RBM34: variants seen among roughly 807,000 people sequenced by gnomAD.
RBM34 encodes the protein RNA binding motif protein 34, also known as RNA-binding protein 34.
Under a neutral mutation model 44.6 loss-of-function variants are expected in RBM34, and 39 were observed. The observed-to-expected ratio is 0.87, with a 90% CI of 0.68 to 1.14. RBM34 has a LOEUF of 1.14. RBM34 is among the 50% of genes most tolerant of loss of function. The pLI, the probability that RBM34 is intolerant of heterozygous loss-of-function variation, is 0.00. For synonymous variants in RBM34, 194 were observed against 184.0 expected (o/e 1.05, Z -0.44); for missense variants, 572 against 517.9 (o/e 1.10, Z -1.01).
chr1:235,140,603 G>C (rs192927335), intron 6 of RBM34, among the ~76,000 whole-genome samples: 43 of 152,242 alleles, frequency 2.8e-4, no homozygotes, highest in African/African-American at 1.0e-3. Context: ...TGTGCGGCCC[G>C]AGCCTCCCCG....
rs368049743 is a variant in RBM34 at position 235,135,714 on chromosome 1, C to T, written c.946G>A (p.Val316Met). 6.2e-5 allele frequency: 100 copies of T among 1,614,084 alleles called. No homozygotes were observed. The highest frequency in any genetic ancestry group is 7.7e-5 in the Non-Finnish European group (91 of 1,180,056). Residue 316 changes from valine to methionine, a missense_variant, in exon 10 of 11, where the codon GTG becomes ATG. Val to Met is a conservative substitution (Grantham distance 21). Coordinates refer to ENST00000408888, the MANE Select transcript of RBM34 (RefSeq NM_015014.4). ...HFLDCGSIMA[V>M]RIVRDKMTGI... The stretch of plus-strand genomic sequence containing the variant: ...GTCATTTTGTCTCTCACAATCCTCA[C>T]GGCCATGATACTTCCACAGTCCAGA...
chr1:235,142,926 CAAAAAA>C (rs34015202), intron 6 of RBM34, among the ~76,000 whole-genome samples: 1 of 66,250 alleles, frequency 1.5e-5, no homozygotes, highest in Admixed American at 1.7e-4. Flanking sequence ...GGATCCATCT[CAAAAAA>C]AAAAAAAAAA....
chr1:235,144,046 G>A (rs72756028), intron 6 of RBM34, among the ~76,000 whole-genome samples: 24,496 of 151,730 alleles, frequency 0.16, 2,195 homozygotes, highest in Middle Eastern at 0.23. Context: ...GTGTGGTGGC[G>A]AGCACCTGTA....
chr1:235,160,759 G>A, intron 2 of RBM34, 112 bp from the exon 3 acceptor site: 5 of 1,509,394 alleles, frequency 3.3e-6, no homozygotes, highest in Non-Finnish European at 4.5e-6. Context: ...TGGTATGTAA[G>A]AGTCATGAAA....
In RBM34 at chr1:235,160,630, C is replaced by T. The variant is rs760035437; in HGVS notation, c.246G>A (p.Thr82=). 118 of 1,610,782 alleles carry T rather than the reference C, an allele frequency of 7.3e-5. No homozygotes were observed. The highest frequency in any genetic ancestry group is 9.8e-5 in the Non-Finnish European group (116 of 1,179,310). Residue 82 remains threonine, a synonymous_variant, in exon 3 of 11, where the codon ACG becomes ACA. Transcript: ENST00000408888. The part of the protein sequence containing the change: ...VPVPKQTIKK[T]KRNEEEESTS... The stretch of plus-strand genomic sequence containing the variant: ...TACTTTCTTCCTCCTCATTCCGTTT[C>T]GTTTTTTTGATGGTTTGCTTTTTAA...
chr1:235,145,462 G>C (rs1205615241), intron 6 of RBM34, among the ~76,000 whole-genome samples: 4 of 151,870 alleles, frequency 2.6e-5, no homozygotes, highest in Non-Finnish European at 1.5e-5. Flanking sequence ...TTTCTTTGTA[G>C]AGATGAGGTC....
At chr1:235,145,937 C>T (rs1037242391) in intron 6 of RBM34, among the ~76,000 whole-genome samples, 1 of 151,046 alleles carries the variant, frequency 6.6e-6, no homozygotes, top group Admixed American at 6.6e-5. Context: ...AGACACGTGC[C>T]TCCATGACCA....
In RBM34 at chr1:235,131,949, T is replaced by G. The variant is rs912438626; in HGVS notation, c.1057A>C (p.Met353Leu). The G allele has an allele frequency of 1.2e-6, 2 of 1,611,096 alleles. No individual in the cohort carries two copies. The highest frequency in any genetic ancestry group is 1.3e-5 in the African/African-American group (1 of 74,692). ...LALKLNNSEL[M>L]GRKLRVMRSV... ...CGCATGACTCTGAGTTTTCTCCCCA[T>G]GAGTTCAGAATTATTTAATTTCAGA... The change falls in exon 11 of 11, where the codon ATG becomes CTG. Residue 353 changes from methionine (M) to leucine (L), a missense_variant. Physicochemically the swap from Met to Leu is conservative, Grantham distance 15 (BLOSUM62 2). Transcript: ENST00000408888.
intron 3 of RBM34, among the ~76,000 whole-genome samples, chr1:235,159,075 T>C (rs1171974413): frequency 6.6e-6 from 1 of 151,518 alleles, no homozygotes; most frequent in Non-Finnish European, 1.5e-5. Context: ...TAGCTGGGCA[T>C]GGTGGGGCAT....
At chr1:235,156,884 T>A (rs1662473872) in intron 3 of RBM34, among the ~76,000 whole-genome samples, 1 of 152,206 alleles carries the variant, frequency 6.6e-6, no homozygotes, top group South Asian at 2.1e-4. Context: ...TAATACATGG[T>A]ATGCAAACAT....
chr1:235,154,366 G>A (rs946494029), intron 4 of RBM34, among the ~76,000 whole-genome samples: 1 of 150,172 alleles, frequency 6.7e-6, no homozygotes, highest in East Asian at 2.0e-4. Flanking sequence ...AAGCCCAGGA[G>A]TTTGAGACCA....
chr1:235,144,312 A>T (rs1246224372), intron 6 of RBM34, among the ~76,000 whole-genome samples: 1 of 152,166 alleles, frequency 6.6e-6, no homozygotes, highest in Non-Finnish European at 1.5e-5. Context: ...AGAGACAGAA[A>T]GCAAATGAAT....
intron 10 of RBM34, among the ~76,000 whole-genome samples, chr1:235,132,993 T>C (rs558898660): frequency 6.6e-6 from 1 of 152,306 alleles, no homozygotes; most frequent in African/African-American, 2.4e-5. Context: ...CTTAACCTAG[T>C]ATATCCTAAT....
Position 235,154,867 on chromosome 1 carries a change from A to G in RBM34, c.597+14T>C, listed in dbSNP as rs753232610. 4 of 1,594,246 alleles carry G rather than the reference A, an allele frequency of 2.5e-6. No individual in the cohort carries two copies. The highest frequency in any genetic ancestry group is 1.7e-4 in the Middle Eastern group (1 of 5,950). ...TTATTAACTTCTCTGAACTTTTACC[A>G]TATACAAACTCACCTTCTTATTACA... On this transcript the variant is annotated intron_variant, in intron 4 of 10. Transcript: ENST00000408888.
intron 5 of RBM34, among the ~76,000 whole-genome samples, chr1:235,150,948 G>C (rs1213306493): frequency 3.9e-5 from 6 of 152,178 alleles, no homozygotes. Context: ...TGGGGGGATG[G>C]GGGGAAGGGC....
rs771045450 is a variant in RBM34 at position 235,138,155 on chromosome 1, G to C, written c.721C>G (p.Gln241Glu). ...AAIKRKIHPD[Q>E]KNINAYVVFK... ...ACAACATAGGCATTAATATTTTTCT[G>C]ATCAGGATGAATTTTACGTCTACAC... The change falls in exon 7 of 11, where the codon CAG becomes GAG. Residue 241 changes from glutamine to glutamate, a missense_variant. Physicochemically the swap from Gln to Glu is conservative, Grantham distance 29. Coordinates refer to ENST00000408888, the MANE Select transcript of RBM34 (RefSeq NM_015014.4). 4 of 1,595,440 alleles carry C rather than the reference G, an allele frequency of 2.5e-6. No homozygotes were observed. Among genetic ancestry groups the C allele is most frequent in the Non-Finnish European group, 3.4e-6 (4 of 1,172,888 alleles).
intron 5 of RBM34, among the ~76,000 whole-genome samples, chr1:235,151,701 ACT>A (rs1662162769): frequency 6.6e-6 from 1 of 152,016 alleles, no homozygotes; most frequent in African/African-American, 2.4e-5. Flanking sequence ...AGGTTGAGAA[ACT>A]CTATTCCAGA....
chr1:235,144,499 T>TAAAAAAAAAA (rs67277220), intron 6 of RBM34, among the ~76,000 whole-genome samples: 1 of 132,236 alleles, frequency 7.6e-6, no homozygotes, highest in African/African-American at 2.7e-5. Flanking sequence ...CTTAATAAAC[T>TAAAAAAAAAA]AAAAAAAAAA....
intron 5 of RBM34, among the ~76,000 whole-genome samples, chr1:235,149,384 G>A (rs1277370418): frequency 8.5e-5 from 10 of 117,656 alleles, no homozygotes; most frequent in Admixed American, 1.0e-4. Context: ...ACGAGACTCC[G>A]TCTCAAAAAA....
Sources: allele counts gnomAD v4.1 joint callset (sites outside exome capture counted in the v4.1 genomes callset), GRCh38; gene constraint gnomAD v4.1.1; transcripts MANE v1.5; gene names NCBI Gene and HGNC (gene_info 2026-07-23, HGNC 2026-07-21).